Variants in MTR observed in about 807,000 individuals in gnomAD.
MTR encodes the protein 5-methyltetrahydrofolate-homocysteine methyltransferase.
In MTR, 84 loss-of-function variants were observed where a neutral mutation model predicts 154.8. The observed-to-expected ratio is 0.54, with a 90% CI of 0.45 to 0.65. MTR has a LOEUF of 0.65. Among genes scored for constraint, MTR ranks in the 30% least tolerant of loss-of-function variants. The probability of loss-of-function intolerance (pLI) is 0.00; values close to 1 mark genes in which losing one functional copy is unlikely to be tolerated. For synonymous variants in MTR, 554 were observed against 553.9 expected, an observed-to-expected ratio of 1.00 and a Z score of 0.00; for missense variants, 1,275 against 1,570.2, an observed-to-expected ratio of 0.81 and a Z score of 3.18.
intron 24 of MTR, among the ~76,000 whole-genome samples, chr1:236,880,102 G>A (rs555976736): frequency 3.5e-4 from 54 of 152,216 alleles, no homozygotes; most frequent in South Asian, 2.1e-4. Flanking sequence ...CGGAGCTTGC[G>A]GTGAGCCGAG....
Position 236,795,394 on chromosome 1 carries a change from C to T in MTR, c.-310C>T, listed in dbSNP as rs751214704. The T allele has an allele frequency of 2.2e-5, 32 of 1,426,656 alleles. No homozygotes were observed. Among genetic ancestry groups the T allele is most frequent in the South Asian group, 8.5e-5 (7 of 82,130 alleles). 88.4% of individuals were successfully genotyped at this position (1,426,656 alleles called of 1,614,324 possible). On this transcript the variant is annotated 5_prime_UTR_variant, in exon 1 of 33. Coordinates refer to ENST00000366577, the MANE Select transcript of MTR (RefSeq NM_000254.3). ...TTTTCTCTTGGGTCCTTTTCCGTGC[C>T]GTCCCGCGACTCCGCCTCTGGCCGC...
At chr1:236,862,445 T>C (rs571524545) in intron 21 of MTR, 102 bp downstream of exon 21, 12 of 898,046 alleles carry the variant, frequency 1.3e-5, no homozygotes, top group South Asian at 4.0e-5. Context: ...GTGTTCGTTA[T>C]TGAGGATAAA....
At chr1:236,804,787 C>A (rs1316411320) in intron 2 of MTR, among the ~76,000 whole-genome samples, 1 of 151,878 alleles carries the variant, frequency 6.6e-6, no homozygotes, top group Non-Finnish European at 1.5e-5. Flanking sequence ...TCCCAGATTC[C>A]TTTGTTAGGC....
At chr1:236,887,498 A>T (rs1189604831) in intron 27 of MTR, among the ~76,000 whole-genome samples, 1 of 152,258 alleles carries the variant, frequency 6.6e-6, no homozygotes, top group Non-Finnish European at 1.5e-5. Context: ...TCAAGCTCCG[A>T]TTATTTGCTC....
intron 27 of MTR, among the ~76,000 whole-genome samples, chr1:236,888,952 A>G (rs1666168776): frequency 6.6e-6 from 1 of 152,202 alleles, no homozygotes; most frequent in African/African-American, 2.4e-5. Context: ...AACAGTTTCC[A>G]AGGGTGGTGT....
intron 24 of MTR, among the ~76,000 whole-genome samples, chr1:236,877,060 T>G (rs1665474197): frequency 1.3e-5 from 2 of 152,194 alleles, no homozygotes; most frequent in African/African-American, 4.8e-5. Context: ...AGCTAGTAGG[T>G]AGCACTGCTT....
At chr1:236,865,064 C>T (rs1664750672) in intron 22 of MTR, among the ~76,000 whole-genome samples, 1 of 152,154 alleles carries the variant, frequency 6.6e-6, no homozygotes, top group Non-Finnish European at 1.5e-5. Context: ...GTTTATTTCT[C>T]CAGTAAAGAC....
chr1:236,816,307 G>A lies in MTR; in HGVS notation c.670-142G>A. The A allele has an allele frequency of 4.1e-6, 3 of 736,910 alleles. No homozygotes were observed. In the South Asian group the frequency reaches 4.4e-5, roughly 11 times the overall value. The allele number at this position is 736,910 out of a possible 1,614,324, so 45.6% of individuals were successfully genotyped here. Reference sequence around the variant, plus strand: ...ATGTCTGTTCTGACTATTATAGAAAGTGCCCCCTTTGAATTTGAGTTCCAC... The same window carrying A: ...ATGTCTGTTCTGACTATTATAGAAAATGCCCCCTTTGAATTTGAGTTCCAC... On this transcript the variant is annotated intron_variant, in intron 7 of 32. Transcript: ENST00000366577.
Position 236,795,340 on chromosome 1 carries a change from C to T in MTR, c.-364C>T, listed in dbSNP as rs1395500863. ...TTCTAAATGTCTGCGGGGCTCAGAG[C>T]CGGATGTCACGTCGTCCTCCTCTGC... On this transcript the variant is annotated 5_prime_UTR_variant, in exon 1 of 33. Transcript: ENST00000366577. 2 of 1,313,762 alleles carry T rather than the reference C, an allele frequency of 1.5e-6. No individual in the cohort carries two copies. The highest frequency in any genetic ancestry group is 4.5e-5 in the East Asian group (1 of 22,242). 81.4% of individuals were successfully genotyped at this position (1,313,762 alleles called of 1,614,324 possible). A position where few individuals can be genotyped will look rare whatever the true frequency, so the allele number is the denominator to read the frequency against.
chr1:236,832,022 T>C lies in MTR; in HGVS notation c.1132T>C (p.Cys378Arg). The C allele has an allele frequency of 1.2e-6, 2 of 1,614,180 alleles. No individual in the cohort carries two copies. The highest frequency in any genetic ancestry group is 1.7e-6 in the Non-Finnish European group (2 of 1,180,018). The change falls in exon 13 of 33, where the codon TGT becomes CGT. Residue 378 changes from cysteine (C) to arginine (R), a missense_variant. Cys to Arg is a radical substitution (Grantham distance 180). Coordinates refer to ENST00000366577, the MANE Select transcript of MTR (RefSeq NM_000254.3). ...YTNFVNIGER[C>R]NVAGSRKFAK... ...CAACTTTGTTAACATTGGAGAGCGCTGTAATGTTGCAGGATCAAGGAAGTT... is the reference window on the plus strand; with the variant it reads ...CAACTTTGTTAACATTGGAGAGCGCCGTAATGTTGCAGGATCAAGGAAGTT...
At chr1:236,874,654 A>ATCCTTT in intron 23 of MTR, 72 bp from the exon 24 acceptor site, 1 of 1,300,872 alleles carries the variant, frequency 7.7e-7, no homozygotes, top group Non-Finnish European at 1.0e-6. Flanking sequence ...ATGGATCTTC[A>ATCCTTT]TCCTTTTCCT....
chr1:236,902,081 C>G lies in MTR; in HGVS notation c.*4437C>G, dbSNP rs1242478667. 1 of 152,342 alleles carries G rather than the reference C, an allele frequency of 6.6e-6. No homozygotes were observed. The highest frequency in any genetic ancestry group is 2.4e-5 in the African/African-American group (1 of 41,380). The allele number at this position is 152,342 out of a possible 1,614,324, so 9.4% of individuals were successfully genotyped here. A position where few individuals can be genotyped will look rare whatever the true frequency, so the allele number is the denominator to read the frequency against. ...GAGTGGGCTCTCTGATTCTTTACAC[C>G]CCCGCCTCAATCCTCCTGCTGCCTG... On this transcript the variant is annotated 3_prime_UTR_variant, in exon 33 of 33. Coordinates refer to ENST00000366577, the MANE Select transcript of MTR (RefSeq NM_000254.3).
intron 19 of MTR, among the ~76,000 whole-genome samples, chr1:236,860,494 A>G (rs1664475126): frequency 1.3e-5 from 2 of 151,824 alleles, no homozygotes; most frequent in Non-Finnish European, 2.9e-5. Context: ...TAGTTGGCCA[A>G]TCCAAGGATC....
At position 236,829,287 on chromosome 1, in the gene MTR, G is replaced by A; in HGVS notation, c.1075+19G>A. 1 of 1,596,380 alleles carries A rather than the reference G, an allele frequency of 6.3e-7. No individual in the cohort carries two copies. Among genetic ancestry groups the A allele is most frequent in the Non-Finnish European group, 8.6e-7 (1 of 1,164,020 alleles). On this transcript the variant is annotated intron_variant, in intron 12 of 32. Coordinates refer to ENST00000366577, the MANE Select transcript of MTR (RefSeq NM_000254.3). Reference sequence around the variant, plus strand: ...CTGTCTGGTGAGTCATAAAGACCTGGTATTCCTGATTGCAGAAACCATTTG... The same window carrying A: ...CTGTCTGGTGAGTCATAAAGACCTGATATTCCTGATTGCAGAAACCATTTG...
At chr1:236,796,944 C>A (rs536140869) in intron 1 of MTR, among the ~76,000 whole-genome samples, 169 of 151,960 alleles carry the variant, frequency 1.1e-3, no homozygotes, top group Non-Finnish European at 1.5e-3. Flanking sequence ...ATTTCCCTTT[C>A]ATCTGAATTT....
rs1665957751 is a variant in MTR at position 236,885,356 on chromosome 1, G to C, written c.2775+137G>C. Reference sequence around the variant, plus strand: ...CATTTTAGAGAATTTCTGTCTTCTAGTTCAAATCAGAGGTCTTCAGTGTCT... The same window carrying C: ...CATTTTAGAGAATTTCTGTCTTCTACTTCAAATCAGAGGTCTTCAGTGTCT... On this transcript the variant is annotated intron_variant, in intron 26 of 32. Transcript: ENST00000366577. The C allele has an allele frequency of 5.8e-6, 4 of 685,224 alleles. No homozygotes were observed. The South Asian group carries it at 6.6e-5, about 11-fold the overall frequency. 42.4% of individuals were successfully genotyped at this position (685,224 alleles called of 1,614,324 possible). A position where few individuals can be genotyped will look rare whatever the true frequency, so the allele number is the denominator to read the frequency against.
At chr1:236,820,538 T>A in intron 8 of MTR, 1 of 739,348 alleles carries the variant, frequency 1.4e-6, no homozygotes, top group Non-Finnish European at 2.4e-6. Context: ...TTACCTGGGC[T>A]GTTAAGTAAC....
At chr1:236,846,139 T>A (rs759403127) in intron 15 of MTR, among the ~76,000 whole-genome samples, 9 of 152,180 alleles carry the variant, frequency 5.9e-5, no homozygotes, top group Non-Finnish European at 1.2e-4. Context: ...AAGAAAACAT[T>A]TCTATGTTTT....
chr1:236,810,785 T>G (rs923532393), intron 5 of MTR, among the ~76,000 whole-genome samples, 190 bp downstream of exon 5: 19 of 152,340 alleles, frequency 1.2e-4, no homozygotes, highest in South Asian at 6.2e-4. Flanking sequence ...CTATGATGAT[T>G]ATTATTATTT....
Sources: allele counts gnomAD v4.1 joint callset (sites outside exome capture counted in the v4.1 genomes callset), GRCh38; gene constraint gnomAD v4.1.1; transcripts MANE v1.5; gene names NCBI Gene and HGNC (gene_info 2026-07-23, HGNC 2026-07-21).